The following USP34 variants were observed in gnomAD, a reference collection of about 807,000 sequenced individuals.
USP34 encodes ubiquitin carboxyl-terminal hydrolase 34.
Under a neutral mutation model 460.3 loss-of-function variants are expected in USP34, and 70 were observed. The ratio of observed to expected loss-of-function variants is 0.15; its 90% confidence interval spans 0.13 to 0.19. The LOEUF is 0.19. Among genes scored for constraint, USP34 ranks in the 10% least tolerant of loss-of-function variants. The pLI, the probability that USP34 is intolerant of heterozygous loss-of-function variation, is 1.00. For synonymous variants in USP34, 1,647 were observed against 1,405.3 expected (o/e 1.17, Z -3.85); for missense variants, 3,985 against 4,236.2 (o/e 0.94, Z 1.65).
chr2:61,310,647 GAT>G (rs1690562345), intron 27 of USP34, among the ~76,000 whole-genome samples: 1 of 149,846 alleles, frequency 6.7e-6, no homozygotes, highest in Non-Finnish European at 1.5e-5. Context: ...ACCTATAAAA[GAT>G]ATCAGAAATA....
At chr2:61,347,773 A>C in intron 15 of USP34, 97 bp downstream of exon 15, 1 of 1,518,932 alleles carries the variant, frequency 6.6e-7, no homozygotes, top group South Asian at 1.3e-5. Context: ...ACTACTAATG[A>C]ATAGCACTAA....
chr2:61,395,780 C>A (rs867593005), intron 3 of USP34, among the ~76,000 whole-genome samples: 2 of 102,190 alleles, frequency 2.0e-5, no homozygotes, highest in Non-Finnish European at 3.6e-5. Flanking sequence ...AACGAGACTC[C>A]GTCTCAAAAA....
At chr2:61,407,197 G>A (rs1693899261) in intron 2 of USP34, among the ~76,000 whole-genome samples, 2 of 152,094 alleles carry the variant, frequency 1.3e-5, no homozygotes, top group Non-Finnish European at 2.9e-5. Flanking sequence ...ACAACCCAGG[G>A]CAACATAATG....
chr2:61,364,519 T>C (rs1692370863), intron 10 of USP34, among the ~76,000 whole-genome samples: 1 of 152,240 alleles, frequency 6.6e-6, no homozygotes, highest in Non-Finnish European at 1.5e-5. Context: ...GAATATCTTA[T>C]ATCCCATTAA....
intron 68 of USP34, 22 bp downstream of exon 68, chr2:61,214,038 A>G (rs747573916): frequency 1.9e-6 from 3 of 1,613,382 alleles, no homozygotes; most frequent in Non-Finnish European, 2.5e-6. Context: ...GATACAGATA[A>G]AAGAGTATCA....
chr2:61,281,065 G>C, intron 38 of USP34, 25 bp downstream of exon 38: 1 of 1,602,104 alleles, frequency 6.2e-7, no homozygotes, highest in Non-Finnish European at 8.5e-7. Flanking sequence ...AATAGAAACT[G>C]CTTCTAAACA....
chr2:61,195,564 C>T (rs760429014), intron 75 of USP34, among the ~76,000 whole-genome samples: 24 of 151,936 alleles, frequency 1.6e-4, no homozygotes, highest in Admixed American at 3.9e-4. Flanking sequence ...CCCAGCTACT[C>T]AGGAGGCTGA....
chr2:61,446,115 A>C (rs1373451915), intron 1 of USP34, among the ~76,000 whole-genome samples: 1 of 110,570 alleles, frequency 9.0e-6, no homozygotes, highest in Admixed American at 9.9e-5. Flanking sequence ...CTCTGTCTCA[A>C]AAAAAAAAAA....
At chr2:61,296,261 AAAAT>A (rs56835562) in intron 30 of USP34, among the ~76,000 whole-genome samples, 77,852 of 150,986 alleles carry the variant, frequency 0.52, 20,456 homozygotes, top group South Asian at 0.74. Flanking sequence ...CCTTATCTCA[AAAAT>A]AAATAAATAA....
chr2:61,399,088 C>T (rs1239156254), intron 3 of USP34, among the ~76,000 whole-genome samples: 2 of 152,126 alleles, frequency 1.3e-5, no homozygotes, highest in Non-Finnish European at 2.9e-5. Context: ...GGTGCAGTGG[C>T]TCATGCCTGT....
chr2:61,371,380 GTTTT>G (rs1019163451), intron 8 of USP34, among the ~76,000 whole-genome samples: 2 of 148,810 alleles, frequency 1.3e-5, no homozygotes, highest in Admixed American at 6.7e-5. Context: ...ACTCTTTCTA[GTTTT>G]TTTAAAAAAA....
At chr2:61,283,085 A>G in intron 37 of USP34, 60 bp downstream of exon 37, 1 of 1,541,920 alleles carries the variant, frequency 6.5e-7, no homozygotes, top group Non-Finnish European at 8.9e-7. Context: ...TTTATTATCA[A>G]TGCTAATAAC....
intron 3 of USP34, among the ~76,000 whole-genome samples, chr2:61,395,785 C>CAAAA (rs541139131): frequency 6.8e-5 from 2 of 29,324 alleles, no homozygotes; most frequent in South Asian, 1.2e-3. Context: ...GACTCCGTCT[C>CAAAA]AAAAAAAAAA....
intron 19 of USP34, among the ~76,000 whole-genome samples, chr2:61,331,739 G>A (rs933231061): frequency 1.1e-4 from 17 of 151,976 alleles, no homozygotes; most frequent in Admixed American, 6.6e-4. Context: ...TAAACTTACT[G>A]CATATATCTT....
At chr2:61,381,005 C>T (rs1448570406) in intron 6 of USP34, among the ~76,000 whole-genome samples, 1 of 152,272 alleles carries the variant, frequency 6.6e-6, no homozygotes, top group African/African-American at 2.4e-5. Context: ...AACTACCTAG[C>T]TAGCATGCTC....
rs377246419 is a variant in USP34 at position 61,348,843 on chromosome 2, T to A, written c.1587A>T (p.Thr529=). 964 of 1,613,810 alleles carry A rather than the reference T, an allele frequency of 6.0e-4. 3 individuals carry two copies. Among genetic ancestry groups the A allele is most frequent in the Admixed American group, 2.5e-3 (149 of 60,014 alleles). Residue 529 remains threonine, a synonymous_variant, in exon 14 of 80, where the codon ACA becomes ACT. Coordinates refer to ENST00000398571, the MANE Select transcript of USP34 (RefSeq NM_014709.4). ...ASPQSSDNSD[T]HQSGGSDIEM... is the part of the protein sequence containing the mutation. ...CAATGTCACTACCTCCACTTTGATG[T>A]GTATCGCTATTATCACTGCTTTGAG...
chr2:61,377,219 A>T (rs1692824476), intron 8 of USP34, among the ~76,000 whole-genome samples: 1 of 152,188 alleles, frequency 6.6e-6, no homozygotes, highest in African/African-American at 2.4e-5. Context: ...TTCCAAATTC[A>T]TGAAGACCTA....
Position 61,349,109 on chromosome 2 carries a change from C to T in USP34, c.1543+141G>A, listed in dbSNP as rs1032719387. The T allele has an allele frequency of 2.3e-5, 25 of 1,091,670 alleles. No individual in the cohort carries two copies. The African/African-American group carries it at 2.5e-4, about 11-fold the overall frequency. The allele number at this position is 1,091,670 out of a possible 1,614,324, so 67.6% of individuals were successfully genotyped here. A position where few individuals can be genotyped will look rare whatever the true frequency, so the allele number is the denominator to read the frequency against. On this transcript the variant is annotated intron_variant, in intron 13 of 79. Coordinates refer to ENST00000398571, the MANE Select transcript of USP34 (RefSeq NM_014709.4). ...AAGATTTTAAGAAAAATGGGTAACA[C>T]GAATATGTTAAAGGTTTACATCTCC...
chr2:61,299,604 A>G (rs1348748340), intron 29 of USP34, among the ~76,000 whole-genome samples: 2 of 152,092 alleles, frequency 1.3e-5, no homozygotes, highest in Non-Finnish European at 2.9e-5. Flanking sequence ...TTAAAAAATT[A>G]GCCAGGCACA....
Sources: gnomAD v4.1 joint callset for allele counts (sites outside exome capture counted in the v4.1 genomes callset) on GRCh38, gnomAD v4.1.1 for gene constraint, MANE v1.5 for transcripts, NCBI Gene and HGNC (gene_info 2026-07-23, HGNC 2026-07-21) for gene names.